PRSS23: variants seen among roughly 807,000 people sequenced by gnomAD.
PRSS23 encodes the protein serine protease 23.
PRSS23 carries 25 observed loss-of-function variants against 34.7 expected under a neutral mutation model. That is an observed-to-expected ratio of 0.72 (90% CI 0.53 to 1.01). The LOEUF (loss-of-function observed/expected upper bound fraction) is 1.01. PRSS23 is among the 50% of genes least tolerant of loss of function. PRSS23 has a pLI of 0.00. For synonymous variants in PRSS23, 176 were observed against 186.6 expected (o/e 0.94, Z 0.46); for missense variants, 445 against 475.6 (o/e 0.94, Z 0.60).
chr11:86,847,222 C>A (rs188237404), intron 2 of PRSS23, among the ~76,000 whole-genome samples: 2 of 152,170 alleles, frequency 1.3e-5, no homozygotes, highest in Non-Finnish European at 2.9e-5. Flanking sequence ...TACTAAGCCT[C>A]CTGTTGCTAA....
intron 2 of PRSS23, chr11:86,937,232 A>G (rs1206308673): frequency 6.6e-6 from 1 of 152,242 alleles, no homozygotes; most frequent in East Asian, 1.9e-4. Context: ...CCTTCTTTGA[A>G]AAGTATGAAC....
intron 2 of PRSS23, among the ~76,000 whole-genome samples, chr11:86,882,160 T>C (rs1263551536): frequency 1.3e-5 from 2 of 152,234 alleles, no homozygotes; most frequent in Non-Finnish European, 2.9e-5. Flanking sequence ...TTGCTCTTCT[T>C]TTTCTAGTTT....
upstream of PRSS23, among the ~76,000 whole-genome samples, chr11:86,800,004 G>T (rs1288494512): frequency 6.6e-6 from 1 of 152,214 alleles, no homozygotes; most frequent in African/African-American, 2.4e-5. Context: ...AAAAGTGTAC[G>T]TGGGGGTGGG....
chr11:86,877,185 GTC>G (rs1332038221), intron 2 of PRSS23, among the ~76,000 whole-genome samples: 3 of 152,146 alleles, frequency 2.0e-5, no homozygotes, highest in African/African-American at 7.2e-5. Flanking sequence ...CTGTGTTCAG[GTC>G]TGTCTCCTCC....
intron 2 of PRSS23, among the ~76,000 whole-genome samples, chr11:86,896,990 A>C (rs1049647174): frequency 2.0e-5 from 3 of 152,254 alleles, no homozygotes; most frequent in Non-Finnish European, 2.9e-5. Context: ...GCCGCTTTGC[A>C]AACCAGCTGA....
chr11:86,829,875 G>A (rs1388275060), intron 2 of PRSS23, among the ~76,000 whole-genome samples: 7 of 152,166 alleles, frequency 4.6e-5, no homozygotes, highest in African/African-American at 7.2e-5. Context: ...GTACTTGGCC[G>A]TGTGAGGTGT....
intron 2 of PRSS23, among the ~76,000 whole-genome samples, chr11:86,834,253 G>C (rs187747894): frequency 6.6e-6 from 1 of 152,160 alleles, no homozygotes; most frequent in East Asian, 1.9e-4. Context: ...GAAAGATTTG[G>C]TGAAGGGTTT....
chr11:86,939,419 TATATATA>T (rs1210167133), intron 2 of PRSS23, among the ~76,000 whole-genome samples: 4 of 91,368 alleles, frequency 4.4e-5, no homozygotes, highest in Non-Finnish European at 1.0e-4. Flanking sequence ...TATATATATA[TATATATA>T]TTTTTTAACA....
intron 2 of PRSS23, among the ~76,000 whole-genome samples, chr11:86,823,810 TC>T (rs1382389436): frequency 6.6e-6 from 1 of 151,596 alleles, no homozygotes; most frequent in Non-Finnish European, 1.5e-5. Flanking sequence ...ATCGAGACCA[TC>T]CTGGCTAACA....
downstream of PRSS23, among the ~76,000 whole-genome samples, chr11:86,811,605 G>A (rs1948179021): frequency 1.3e-5 from 2 of 152,180 alleles, no homozygotes; most frequent in South Asian, 4.1e-4. Context: ...AGAGTTGTAT[G>A]TGTAATCTTT....
At chr11:86,845,411 T>A (rs1948479197) in intron 2 of PRSS23, among the ~76,000 whole-genome samples, 1 of 152,222 alleles carries the variant, frequency 6.6e-6, no homozygotes, top group Non-Finnish European at 1.5e-5. Flanking sequence ...TATCTTAAAT[T>A]CACTTTGTCT....
chr11:86,852,530 A>G (rs1449781501), intron 2 of PRSS23, among the ~76,000 whole-genome samples: 1 of 152,040 alleles, frequency 6.6e-6, no homozygotes, highest in Non-Finnish European at 1.5e-5. Flanking sequence ...TTCATCTTTT[A>G]TTTTGGGAAA....
intron 1 of PRSS23, among the ~76,000 whole-genome samples, chr11:86,820,048 T>G (rs1176561136): frequency 6.6e-6 from 1 of 152,198 alleles, no homozygotes; most frequent in East Asian, 1.9e-4. Flanking sequence ...TCAACACCCT[T>G]GGAACCTATG....
chr11:86,824,740 T>C (rs1456406670), intron 2 of PRSS23, among the ~76,000 whole-genome samples: 3 of 151,592 alleles, frequency 2.0e-5, no homozygotes, highest in Non-Finnish European at 4.4e-5. Flanking sequence ...TTTGCTTTTT[T>C]GTTCTTGGGA....
exon 2 of PRSS23, chr11:86,823,434 C>G (rs1359359113): frequency 8.5e-6 from 6 of 702,190 alleles, no homozygotes; most frequent in Admixed American, 2.0e-5. Context: ...AGTCCTCATG[C>G]CCCCACAACT....
At chr11:86,932,964 G>A (rs1949136369) in intron 2 of PRSS23, 1 of 152,196 alleles carries the variant, frequency 6.6e-6, no homozygotes, top group Non-Finnish European at 1.5e-5. Context: ...ACACTCTCTT[G>A]TTCACACATA....
chr11:86,861,431 G>A (rs2511875), intron 2 of PRSS23, among the ~76,000 whole-genome samples: 62,360 of 151,498 alleles, frequency 0.41, 13,009 homozygotes, highest in East Asian at 0.54. Context: ...CAGGGGGTGT[G>A]CACCTCTCTG....
chr11:86,821,376 A>G (rs1565355332), intron 1 of PRSS23: 1 of 1,088,750 alleles, frequency 9.2e-7, no homozygotes, highest in Non-Finnish European at 1.4e-6. Context: ...GCTACGGATT[A>G]CTTCTTTATG....
chr11:86,841,984 G>C (rs1055625612), intron 2 of PRSS23, among the ~76,000 whole-genome samples: 1 of 152,160 alleles, frequency 6.6e-6, no homozygotes, highest in Non-Finnish European at 1.5e-5. Context: ...AACAAAAAAA[G>C]AGAATTTTAG....
Sources: gnomAD v4.1 joint callset for allele counts (sites outside exome capture counted in the v4.1 genomes callset) on GRCh38, gnomAD v4.1.1 for gene constraint, MANE v1.5 for transcripts, NCBI Gene and HGNC (gene_info 2026-07-23, HGNC 2026-07-21) for gene names.